Variants in TOP6BL observed in about 807,000 individuals in gnomAD.
TOP6BL encodes the protein type 2 DNA topoisomerase 6 subunit B-like.
chr11:66,768,210 A>G, the TOP6BL span, among the ~76,000 whole-genome samples: 33 of 152,038 alleles, frequency 2.2e-4, no homozygotes, highest in Non-Finnish European at 4.6e-4. Flanking sequence ...ACATTGAGTA[A>G]GAAACTCACA....
chr11:66,791,123 G>A, the TOP6BL span, among the ~76,000 whole-genome samples: 1 of 152,188 alleles, frequency 6.6e-6, no homozygotes, highest in Non-Finnish European at 1.5e-5. Flanking sequence ...GAGGAGAAAG[G>A]TTAAGTAGCA....
the TOP6BL span, chr11:66,842,717 G>T: frequency 2.4e-5 from 22 of 921,512 alleles, no homozygotes; most frequent in Non-Finnish European, 2.4e-5. Flanking sequence ...GTTTTGGTGT[G>T]GATGGGACCT....
At chr11:66,805,115 T>A in the TOP6BL span, among the ~76,000 whole-genome samples, 1 of 152,018 alleles carries the variant, frequency 6.6e-6, no homozygotes, top group Non-Finnish European at 1.5e-5. Flanking sequence ...ACGCCTATAG[T>A]CCCATCTACT....
chr11:66,787,124 G>A, the TOP6BL span, among the ~76,000 whole-genome samples: 1 of 151,662 alleles, frequency 6.6e-6, no homozygotes, highest in African/African-American at 2.4e-5. Flanking sequence ...AGTAGAGACG[G>A]GGTTTCACCA....
chr11:66,831,455 G>T, the TOP6BL span, among the ~76,000 whole-genome samples: 2 of 152,188 alleles, frequency 1.3e-5, no homozygotes, highest in South Asian at 4.1e-4. Context: ...CAGTGACATG[G>T]ATGAATCTCT....
the TOP6BL span, among the ~76,000 whole-genome samples, chr11:66,798,803 G>A: frequency 1.3e-5 from 2 of 152,080 alleles, no homozygotes; most frequent in East Asian, 3.9e-4. Context: ...GGCCGGGCGT[G>A]GTGGCTCACG....
chr11:66,832,953 T>A, the TOP6BL span, among the ~76,000 whole-genome samples: 2 of 152,104 alleles, frequency 1.3e-5, no homozygotes, highest in Admixed American at 6.5e-5. Context: ...TGATAAAAAC[T>A]GTACCTTGGT....
At chr11:66,788,820 A>G in the TOP6BL span, among the ~76,000 whole-genome samples, 2 of 152,184 alleles carry the variant, frequency 1.3e-5, no homozygotes, top group African/African-American at 2.4e-5. Context: ...GTGCAGTCAT[A>G]GCACACTACA....
chr11:66,824,490 C>T, the TOP6BL span, among the ~76,000 whole-genome samples: 2 of 150,078 alleles, frequency 1.3e-5, no homozygotes. Flanking sequence ...TACATGTACA[C>T]AACATGCAGG....
At chr11:66,828,469 A>T in the TOP6BL span, 1 of 774,570 alleles carries the variant, frequency 1.3e-6, no homozygotes, top group Admixed American at 2.4e-5. Context: ...GCATAATCTG[A>T]GGTCAGCCTT....
At chr11:66,812,704 G>A in the TOP6BL span, among the ~76,000 whole-genome samples, 2 of 152,176 alleles carry the variant, frequency 1.3e-5, no homozygotes, top group Non-Finnish European at 2.9e-5. Flanking sequence ...ACACATTCTG[G>A]TCTCTGGCCT....
chr11:66,819,958 G>A, the TOP6BL span, among the ~76,000 whole-genome samples: 3 of 151,232 alleles, frequency 2.0e-5, no homozygotes, highest in Non-Finnish European at 2.9e-5. Flanking sequence ...GTACACCTGT[G>A]GTCCCAGCTA....
chr11:66,792,771 T>C, the TOP6BL span, among the ~76,000 whole-genome samples: 1 of 152,214 alleles, frequency 6.6e-6, no homozygotes, highest in East Asian at 1.9e-4. Flanking sequence ...CTCCAGTAGT[T>C]GCTCAAGGAA....
chr11:66,843,372 G>C, the TOP6BL span: 2 of 1,439,550 alleles, frequency 1.4e-6, no homozygotes, highest in South Asian at 1.4e-5. Flanking sequence ...GGGGCGGGGC[G>C]GGGCGTGGAG....
the TOP6BL span, chr11:66,744,843 C>CGGT: frequency 3.8e-6 from 5 of 1,323,134 alleles, no homozygotes; most frequent in Non-Finnish European, 3.9e-6. Context: ...GCGGCGGCGG[C>CGGT]GGGCGGGTAC....
chr11:66,785,439 T>C, the TOP6BL span, among the ~76,000 whole-genome samples: 1 of 152,214 alleles, frequency 6.6e-6, no homozygotes, highest in Non-Finnish European at 1.5e-5. Context: ...ATGTGTATTA[T>C]CGTTTTCATG....
At chr11:66,825,462 G>T in the TOP6BL span, among the ~76,000 whole-genome samples, 525 of 151,170 alleles carry the variant, frequency 3.5e-3, 2 homozygotes, top group African/African-American at 0.012. Flanking sequence ...TTACCCTCTA[G>T]CCTGGGTGAC....
At chr11:66,833,202 C>T in the TOP6BL span, among the ~76,000 whole-genome samples, 1 of 151,928 alleles carries the variant, frequency 6.6e-6, no homozygotes, top group South Asian at 2.1e-4. Flanking sequence ...GCGCCTACCA[C>T]CATGCCCAAC....
the TOP6BL span, among the ~76,000 whole-genome samples, chr11:66,829,553 C>T: frequency 2.0e-5 from 3 of 149,818 alleles, no homozygotes; most frequent in African/African-American, 4.9e-5. Context: ...CCAGCCTGGG[C>T]GACAGTGAGA....
Sources: gnomAD v4.1 joint callset for allele counts (sites outside exome capture counted in the v4.1 genomes callset) on GRCh38, gnomAD v4.1.1 for gene constraint, MANE v1.5 for transcripts, NCBI Gene and HGNC (gene_info 2026-07-23, HGNC 2026-07-21) for gene names.